RFX3: variants seen among roughly 807,000 people sequenced by gnomAD.
The protein encoded by RFX3 is regulatory factor X3, also known as transcription factor RFX3.
Under a neutral mutation model 98.6 loss-of-function variants are expected in RFX3, and 14 were observed. The observed-to-expected ratio is 0.14, with a 90% CI of 0.09 to 0.22. The LOEUF (loss-of-function observed/expected upper bound fraction) is 0.22. Ranked by LOEUF, RFX3 falls within the 10% of genes least tolerant of loss-of-function variation. The pLI, the probability that RFX3 is intolerant of heterozygous loss-of-function variation, is 1.00. For synonymous variants in RFX3, 383 were observed against 328.4 expected, an observed-to-expected ratio of 1.17 and a Z score of -1.80; for missense variants, 639 against 926.9, an observed-to-expected ratio of 0.69 and a Z score of 4.03.
chr9:3,466,790 C>A (rs1848260406), intron 1 of RFX3, among the ~76,000 whole-genome samples: 1 of 151,758 alleles, frequency 6.6e-6, no homozygotes, highest in South Asian at 2.1e-4. Context: ...TGCCCGAAGT[C>A]AAAGATATTA....
At chr9:3,289,933 GT>G (rs1360558025) in intron 6 of RFX3, among the ~76,000 whole-genome samples, 8 of 151,832 alleles carry the variant, frequency 5.3e-5, no homozygotes, top group South Asian at 4.2e-4. Context: ...TCTACATATA[GT>G]TCATTTTAAA....
At chr9:3,389,896 G>C (rs1348446018) in intron 2 of RFX3, among the ~76,000 whole-genome samples, 3 of 152,072 alleles carry the variant, frequency 2.0e-5, no homozygotes, top group Non-Finnish European at 4.4e-5. Context: ...TACATAGTAA[G>C]ATCTTGCTAT....
chr9:3,240,565 T>A (rs528538908), intron 15 of RFX3, among the ~76,000 whole-genome samples: 1 of 152,296 alleles, frequency 6.6e-6, no homozygotes, highest in African/African-American at 2.4e-5. Flanking sequence ...ACAACAAGCA[T>A]CAATCAGGTT....
chr9:3,439,193 A>G (rs1845418569), intron 1 of RFX3, among the ~76,000 whole-genome samples: 1 of 151,992 alleles, frequency 6.6e-6, no homozygotes, highest in Non-Finnish European at 1.5e-5. Flanking sequence ...AGGGAAATTT[A>G]TACTACTAAA....
intron 2 of RFX3, among the ~76,000 whole-genome samples, chr9:3,369,466 C>A (rs1587359451): frequency 1.3e-5 from 2 of 152,186 alleles, no homozygotes; most frequent in Non-Finnish European, 1.5e-5. Flanking sequence ...ATTTTGTCCA[C>A]AAACACAAAC....
chr9:3,240,447 A>G (rs575349876), intron 15 of RFX3, among the ~76,000 whole-genome samples: 2 of 152,302 alleles, frequency 1.3e-5, no homozygotes, highest in South Asian at 4.2e-4. Context: ...TCAGAGGACT[A>G]TATCTTAATT....
intron 6 of RFX3, among the ~76,000 whole-genome samples, chr9:3,292,347 G>C (rs370750481): frequency 2.6e-5 from 4 of 152,036 alleles, no homozygotes; most frequent in African/African-American, 9.7e-5. Flanking sequence ...ATTTTGGTTA[G>C]TGAAAACACT....
intron 2 of RFX3, among the ~76,000 whole-genome samples, chr9:3,370,058 G>A (rs1837660210): frequency 6.7e-6 from 1 of 148,534 alleles, no homozygotes; most frequent in African/African-American, 2.5e-5. Context: ...AGCCAGGATG[G>A]TCTCGATCTC....
intron 1 of RFX3, among the ~76,000 whole-genome samples, chr9:3,408,210 T>G (rs953127836): frequency 3.9e-5 from 6 of 152,292 alleles, no homozygotes; most frequent in African/African-American, 1.4e-4. Context: ...AAATGGTATT[T>G]AACTCTCCTT....
At chr9:3,363,452 A>G (rs948973355) in intron 2 of RFX3, among the ~76,000 whole-genome samples, 11 of 152,290 alleles carry the variant, frequency 7.2e-5, no homozygotes, top group African/African-American at 2.4e-4. Flanking sequence ...TTTACAGGAG[A>G]GTTAAATAAA....
intron 5 of RFX3, among the ~76,000 whole-genome samples, chr9:3,294,150 T>A (rs1044020283): frequency 2.0e-5 from 3 of 152,178 alleles, no homozygotes; most frequent in African/African-American, 7.2e-5. Flanking sequence ...TTTTGTTCAT[T>A]TATTTATTTA....
intron 1 of RFX3, among the ~76,000 whole-genome samples, chr9:3,497,955 A>G (rs891951046): frequency 1.3e-5 from 2 of 152,000 alleles, no homozygotes; most frequent in African/African-American, 4.8e-5. Context: ...CACTTTAACA[A>G]TCTTTTCCAA....
chr9:3,459,827 T>C (rs375115175), intron 1 of RFX3, among the ~76,000 whole-genome samples: 5 of 152,094 alleles, frequency 3.3e-5, no homozygotes, highest in Admixed American at 6.6e-5. Flanking sequence ...AGGTAGAATT[T>C]AAAAGAGGAC....
At chr9:3,440,354 A>AT (rs1845509752) in intron 1 of RFX3, among the ~76,000 whole-genome samples, 1 of 152,092 alleles carries the variant, frequency 6.6e-6, no homozygotes, top group Admixed American at 6.5e-5. Flanking sequence ...GAAAGTTAGC[A>AT]TCTATAAAAT....
intron 1 of RFX3, among the ~76,000 whole-genome samples, chr9:3,464,656 G>A (rs181845884): frequency 1.3e-5 from 2 of 152,234 alleles, no homozygotes; most frequent in Admixed American, 1.3e-4. Context: ...AACTTGTGGG[G>A]GTGATGGAAA....
At chr9:3,504,266 C>CTA (rs1816432485) in intron 1 of RFX3, among the ~76,000 whole-genome samples, 1 of 124,342 alleles carries the variant, frequency 8.0e-6, no homozygotes, top group African/African-American at 3.2e-5. Flanking sequence ...ATAATATATA[C>CTA]TATATTGTAT....
chr9:3,243,438 G>C (rs1400630127), intron 15 of RFX3, among the ~76,000 whole-genome samples: 1 of 151,926 alleles, frequency 6.6e-6, no homozygotes, highest in Non-Finnish European at 1.5e-5. Context: ...CTGTGAAGCT[G>C]TTTCCAGCTT....
At chr9:3,307,020 C>G (rs2986694) in intron 4 of RFX3, among the ~76,000 whole-genome samples, 36,183 of 151,816 alleles carry the variant, frequency 0.24, 6,612 homozygotes, top group African/African-American at 0.52. Context: ...GATAATGAAT[C>G]GATCTCATGA....
intron 1 of RFX3, among the ~76,000 whole-genome samples, chr9:3,465,495 G>A (rs528810586): frequency 6.7e-6 from 1 of 148,480 alleles, no homozygotes; most frequent in African/African-American, 2.5e-5. Flanking sequence ...GTAGAGACAG[G>A]GTCTCACCAT....
Sources: allele counts gnomAD v4.1 joint callset (sites outside exome capture counted in the v4.1 genomes callset), GRCh38; gene constraint gnomAD v4.1.1; transcripts MANE v1.5; gene names NCBI Gene and HGNC (gene_info 2026-07-23, HGNC 2026-07-21).